Variants in SMAD6 observed in about 807,000 individuals in gnomAD.
SMAD6 encodes SMAD family member 6.
A neutral mutation model predicts 39.4 loss-of-function variants in SMAD6; 103 were observed. That is an observed-to-expected ratio of 2.62 (90% CI 2.23 to 3.08). SMAD6 has a LOEUF of 3.08. Among genes scored for constraint, SMAD6 ranks in the 30% most tolerant of loss-of-function variants. The pLI, the probability that SMAD6 is intolerant of heterozygous loss-of-function variation, is 0.00. For missense variants in SMAD6, 1,104 were observed against 742.9 expected (o/e 1.49, Z -5.65); for synonymous variants, 445 against 353.3 (o/e 1.26, Z -2.91).
At chr15:66,746,957 A>G (rs1046280240) in intron 3 of SMAD6, among the ~76,000 whole-genome samples, 1 of 152,200 alleles carries the variant, frequency 6.6e-6, no homozygotes, top group Non-Finnish European at 1.5e-5. Context: ...CCAAAGGGTT[A>G]ATCTTGTTTT....
At chr15:66,717,647 C>G (rs750249176) in intron 3 of SMAD6, 191 of 357,570 alleles carry the variant, frequency 5.3e-4, no homozygotes, top group Non-Finnish European at 8.1e-4. Flanking sequence ...CTATCCATTC[C>G]CTTCTCACCA....
At chr15:66,705,096 C>A (rs1893082788) in intron 1 of SMAD6, 1 of 152,306 alleles carries the variant, frequency 6.6e-6, no homozygotes, top group South Asian at 2.1e-4. Context: ...GTCACAGGCT[C>A]TTGAGCCTGG....
intron 2 of SMAD6, among the ~76,000 whole-genome samples, chr15:66,713,907 T>C (rs1893278764): frequency 1.3e-5 from 2 of 152,174 alleles, no homozygotes; most frequent in Admixed American, 6.5e-5. Flanking sequence ...ACTTAAGAGA[T>C]GAAGAATCAA....
At chr15:66,765,623 CACAA>C (rs1567111610) in intron 3 of SMAD6, among the ~76,000 whole-genome samples, 2 of 152,184 alleles carry the variant, frequency 1.3e-5, no homozygotes, top group Non-Finnish European at 2.9e-5. Context: ...TCCCTTCCTA[CACAA>C]ACACACAGAC....
intron 1 of SMAD6, chr15:66,706,518 C>G (rs1893114466): frequency 6.6e-6 from 1 of 152,402 alleles, no homozygotes; most frequent in Non-Finnish European, 1.5e-5. Context: ...GGCTGCCCAC[C>G]CGCCTCCACC....
intron 3 of SMAD6, among the ~76,000 whole-genome samples, chr15:66,735,863 C>T (rs914344076): frequency 8.5e-5 from 13 of 152,140 alleles, no homozygotes; most frequent in African/African-American, 2.9e-4. Flanking sequence ...ACAATTCTCC[C>T]GATAAAGGGA....
chr15:66,704,058 G>A lies in SMAD6; in HGVS notation c.800G>A (p.Ser267Asn), dbSNP rs1396117157. ...PTVCCNPYHF[S>N]RLCGPESPPP... ...GTGTGCTGCAACCCCTACCACTTCA[G>A]CCGGCTCTGCGGGCCCGGTGAGCGC... Residue 267 changes from serine (S) to asparagine (N), a missense_variant, in exon 1 of 4, where the codon AGC becomes AAC. Coordinates refer to ENST00000288840, the MANE Select transcript of SMAD6 (RefSeq NM_005585.5). The A allele has an allele frequency of 2.0e-6, 3 of 1,501,042 alleles. No homozygotes were observed. Among genetic ancestry groups the A allele is most frequent in the Admixed American group, 2.1e-5 (1 of 47,644 alleles). The allele number at this position is 1,501,042 out of a possible 1,614,324, so 93.0% of individuals were successfully genotyped here.
At chr15:66,758,048 G>A (rs866375517) in intron 3 of SMAD6, among the ~76,000 whole-genome samples, 2 of 152,250 alleles carry the variant, frequency 1.3e-5, no homozygotes, top group African/African-American at 2.4e-5. Flanking sequence ...TCCATGGATA[G>A]AAAGTTGTTG....
chr15:66,711,203 T>C (rs1048689457), intron 1 of SMAD6, among the ~76,000 whole-genome samples: 1 of 152,208 alleles, frequency 6.6e-6, no homozygotes. Flanking sequence ...AAAACTCAAA[T>C]GTAACTGAGC....
intron 3 of SMAD6, among the ~76,000 whole-genome samples, chr15:66,754,352 C>G (rs899547559): frequency 2.0e-5 from 3 of 152,154 alleles, no homozygotes; most frequent in Non-Finnish European, 4.4e-5. Flanking sequence ...CCGAGCTTTG[C>G]GGTATTCAGG....
chr15:66,726,570 C>A (rs1249958171), intron 3 of SMAD6, among the ~76,000 whole-genome samples: 1 of 152,194 alleles, frequency 6.6e-6, no homozygotes, highest in Non-Finnish European at 1.5e-5. Context: ...GGCTGCCCAG[C>A]TGTCTTAGCT....
At chr15:66,710,484 A>G (rs144964918) in intron 1 of SMAD6, among the ~76,000 whole-genome samples, 1,797 of 152,310 alleles carry the variant, frequency 0.012, 18 homozygotes, top group Non-Finnish European at 0.02. Flanking sequence ...GTGAGGCCTC[A>G]TTGGGTGTAT....
At chr15:66,749,655 C>A (rs1338282431) in intron 3 of SMAD6, among the ~76,000 whole-genome samples, 1 of 152,104 alleles carries the variant, frequency 6.6e-6, no homozygotes, top group Non-Finnish European at 1.5e-5. Context: ...CTCCAGAGGG[C>A]CCTTGCAGGT....
chr15:66,706,519 C>T (rs76912608), intron 1 of SMAD6: 36,222 of 152,338 alleles, frequency 0.24, 4,338 homozygotes, highest in Middle Eastern at 0.35. Context: ...GCTGCCCACC[C>T]GCCTCCACCG....
intron 3 of SMAD6, among the ~76,000 whole-genome samples, chr15:66,766,733 C>T (rs930702025): frequency 1.3e-5 from 2 of 152,180 alleles, no homozygotes; most frequent in African/African-American, 4.8e-5. Context: ...CACACAGGTC[C>T]CTGTAGCTGC....
At position 66,755,218 on chromosome 15, in the gene SMAD6, C is replaced by T. The variant is rs146880875; in HGVS notation, c.953-25779C>T. On this transcript the variant is annotated intron_variant, in intron 3 of 3. Transcript: ENST00000288840. Reference sequence around the variant, plus strand: ...ATGGCCCACTACGAAGGGCCACTGCCGTGTTGAAGAATCACCACCAGTTTG... The same window carrying T: ...ATGGCCCACTACGAAGGGCCACTGCTGTGTTGAAGAATCACCACCAGTTTG... 5.3e-3 allele frequency among the ~76,000 whole-genome samples: 803 copies of T among 152,236 alleles called. 14 individuals carry two copies. Among genetic ancestry groups the T allele is most frequent in the African/African-American group, 0.018 (766 of 41,518 alleles).
chr15:66,719,779 C>T (rs1426691183), intron 3 of SMAD6, among the ~76,000 whole-genome samples: 1 of 152,194 alleles, frequency 6.6e-6, no homozygotes, highest in Admixed American at 6.5e-5. Flanking sequence ...AAAGGAGACG[C>T]AGTTGCTTCA....
intron 3 of SMAD6, among the ~76,000 whole-genome samples, chr15:66,750,742 C>T (rs190498210): frequency 2.3e-3 from 354 of 152,236 alleles, no homozygotes; most frequent in African/African-American, 8.2e-3. Context: ...AGCCGAATCC[C>T]GCTGGGAACT....
chr15:66,743,039 G>A (rs1403149390), intron 3 of SMAD6, among the ~76,000 whole-genome samples: 1 of 152,098 alleles, frequency 6.6e-6, no homozygotes, highest in East Asian at 1.9e-4. Context: ...TTCCCCCTCT[G>A]TCAAATAACA....
Sources: allele counts gnomAD v4.1 joint callset (sites outside exome capture counted in the v4.1 genomes callset), GRCh38; gene constraint gnomAD v4.1.1; transcripts MANE v1.5; gene names NCBI Gene and HGNC (gene_info 2026-07-23, HGNC 2026-07-21).